The following SPMIP3 variants were observed in gnomAD, a reference collection of about 807,000 sequenced individuals.
SPMIP3 encodes the protein protein SPMIP3.
the SPMIP3 span, among the ~76,000 whole-genome samples, chr1:244,369,814 C>A: frequency 2.4e-4 from 36 of 152,120 alleles, no homozygotes; most frequent in African/African-American, 8.2e-4. Flanking sequence ...GCTGGCCGCC[C>A]CACCCTAATC....
chr1:244,376,798 C>T, the SPMIP3 span, among the ~76,000 whole-genome samples: 3 of 151,876 alleles, frequency 2.0e-5, no homozygotes, highest in African/African-American at 7.3e-5. Flanking sequence ...AAGTTATAAT[C>T]CTATACTACA....
chr1:244,379,268 T>G, the SPMIP3 span, among the ~76,000 whole-genome samples: 1 of 151,722 alleles, frequency 6.6e-6, no homozygotes, highest in Admixed American at 6.6e-5. Flanking sequence ...GGTCTCGCTA[T>G]GTTGCCCAGG....
At chr1:244,361,729 G>A in the SPMIP3 span, among the ~76,000 whole-genome samples, 3,298 of 152,088 alleles carry the variant, frequency 0.022, 64 homozygotes, top group African/African-American at 0.052. Flanking sequence ...AAAAATTTTT[G>A]TTAAAAAAGC....
chr1:244,379,772 G>C, the SPMIP3 span, among the ~76,000 whole-genome samples: 4 of 152,070 alleles, frequency 2.6e-5, no homozygotes, highest in African/African-American at 9.7e-5. Flanking sequence ...CTGAGGTCAG[G>C]AGTTCAGCAC....
chr1:244,356,069 A>G, the SPMIP3 span, among the ~76,000 whole-genome samples: 1 of 152,194 alleles, frequency 6.6e-6, no homozygotes, highest in Non-Finnish European at 1.5e-5. Context: ...GAGATTTTCT[A>G]CGTGGACAAT....
the SPMIP3 span, among the ~76,000 whole-genome samples, chr1:244,355,480 C>T: frequency 6.6e-6 from 1 of 150,380 alleles, no homozygotes; most frequent in African/African-American, 2.5e-5. Flanking sequence ...CTCTGCCTCC[C>T]GGGTTCAAGC....
At chr1:244,364,771 G>A in the SPMIP3 span, 1 of 1,613,830 alleles carries the variant, frequency 6.2e-7, no homozygotes, top group Admixed American at 1.7e-5. Context: ...AGTTCTTCCA[G>A]ATGCACAGCC....
At chr1:244,383,385 C>T in the SPMIP3 span, among the ~76,000 whole-genome samples, 1 of 152,060 alleles carries the variant, frequency 6.6e-6, no homozygotes, top group African/African-American at 2.4e-5. Context: ...GTAGTGGCCC[C>T]TGTGGTCCAA....
the SPMIP3 span, among the ~76,000 whole-genome samples, chr1:244,367,759 GTTTGTTTCCAT>G: frequency 0.015 from 2,303 of 152,260 alleles, 60 homozygotes; most frequent in African/African-American, 0.051. Flanking sequence ...GCCAATGGAG[GTTTGTTTCCAT>G]TTTCCCCAGA....
the SPMIP3 span, among the ~76,000 whole-genome samples, chr1:244,374,918 T>A: frequency 2.6e-5 from 4 of 152,172 alleles, no homozygotes; most frequent in Non-Finnish European, 4.4e-5. Context: ...ATTTCAACTG[T>A]TATCAACATT....
chr1:244,363,885 G>A, the SPMIP3 span, among the ~76,000 whole-genome samples: 1 of 152,164 alleles, frequency 6.6e-6, no homozygotes, highest in Non-Finnish European at 1.5e-5. Context: ...CAAATCTCAA[G>A]CAAGTACAGC....
At chr1:244,387,297 GA>G in the SPMIP3 span, among the ~76,000 whole-genome samples, 2,506 of 133,696 alleles carry the variant, frequency 0.019, 51 homozygotes, top group African/African-American at 0.054. Flanking sequence ...GACTCCGTCT[GA>G]AAAAAAAAAA....
At chr1:244,355,492 A>G in the SPMIP3 span, among the ~76,000 whole-genome samples, 1 of 151,968 alleles carries the variant, frequency 6.6e-6, no homozygotes, top group Non-Finnish European at 1.5e-5. Flanking sequence ...GGTTCAAGCG[A>G]TTCTCCTGCC....
At chr1:244,353,010 G>A in the SPMIP3 span, among the ~76,000 whole-genome samples, 57,195 of 152,032 alleles carry the variant, frequency 0.38, 11,647 homozygotes, top group Middle Eastern at 0.49. Context: ...GGTTCTCTGT[G>A]ATACAAGAAG....
the SPMIP3 span, among the ~76,000 whole-genome samples, chr1:244,372,924 C>T: frequency 6.6e-6 from 1 of 152,170 alleles, no homozygotes; most frequent in East Asian, 1.9e-4. Context: ...TTGTCTTGGA[C>T]ACTTCCCTGT....
the SPMIP3 span, among the ~76,000 whole-genome samples, chr1:244,373,348 A>ATATATATATATATATATATATATATATG: frequency 7.3e-6 from 1 of 137,858 alleles, no homozygotes; most frequent in Non-Finnish European, 1.6e-5. Flanking sequence ...ATATATATAT[A>ATATATATATATATATATATATATATATG]TGCATGCCAG....
the SPMIP3 span, among the ~76,000 whole-genome samples, chr1:244,356,949 G>A: frequency 3.8e-4 from 50 of 132,400 alleles, no homozygotes; most frequent in Admixed American, 2.2e-3. Context: ...TTGAGACAGG[G>A]TCTCATTCTG....
chr1:244,360,770 G>A, the SPMIP3 span, among the ~76,000 whole-genome samples: 1 of 151,838 alleles, frequency 6.6e-6, no homozygotes, highest in Non-Finnish European at 1.5e-5. Context: ...TGTAGTCCCA[G>A]CTACTCAGGA....
At chr1:244,366,678 G>A in the SPMIP3 span, among the ~76,000 whole-genome samples, 41 of 152,008 alleles carry the variant, frequency 2.7e-4, no homozygotes, top group Non-Finnish European at 5.3e-4. Flanking sequence ...TCAGGAGTTC[G>A]AGACCAGCCT....
Sources: gnomAD v4.1 joint callset for allele counts (sites outside exome capture counted in the v4.1 genomes callset) on GRCh38, gnomAD v4.1.1 for gene constraint, MANE v1.5 for transcripts, NCBI Gene and HGNC (gene_info 2026-07-23, HGNC 2026-07-21) for gene names.